The following INTS9 variants were observed in gnomAD, a reference collection of about 807,000 sequenced individuals.
INTS9 encodes integrator complex subunit 9, also known as protein related to CPSF subunits of 74 kDa.
In INTS9, 55 loss-of-function variants were observed where a neutral mutation model predicts 79.7. The observed-to-expected ratio is 0.69, with a 90% CI of 0.56 to 0.86. INTS9 has a LOEUF of 0.86. Ranked by LOEUF, INTS9 falls within the 40% of genes least tolerant of loss-of-function variation. INTS9 has a pLI of 0.00. For missense variants in INTS9, 721 were observed against 831.5 expected (o/e 0.87, Z 1.64); for synonymous variants, 319 against 325.2 (o/e 0.98, Z 0.20).
chr8:28,800,926 G>A (rs1007829938), intron 8 of INTS9, among the ~76,000 whole-genome samples: 7 of 152,176 alleles, frequency 4.6e-5, no homozygotes, highest in South Asian at 2.1e-4. Context: ...GATAGCAAGC[G>A]TGGAAAGAAA....
chr8:28,847,108 T>G (rs1209892686), intron 3 of INTS9, among the ~76,000 whole-genome samples: 1 of 152,130 alleles, frequency 6.6e-6, no homozygotes, highest in Non-Finnish European at 1.5e-5. Context: ...TCCAGTGGTT[T>G]CCAAATAAGG....
chr8:28,863,546 C>T (rs1475681716), intron 1 of INTS9, among the ~76,000 whole-genome samples: 3 of 152,146 alleles, frequency 2.0e-5, no homozygotes, highest in Non-Finnish European at 4.4e-5. Flanking sequence ...GAGGCCAAGG[C>T]GGGAAGATCA....
intron 10 of INTS9, among the ~76,000 whole-genome samples, chr8:28,793,225 A>G (rs1207249067): frequency 1.3e-5 from 2 of 152,182 alleles, no homozygotes; most frequent in African/African-American, 4.8e-5. Context: ...ACCACTGGGG[A>G]TATTGTAAAA....
At chr8:28,828,559 A>G (rs1806282762) in intron 6 of INTS9, among the ~76,000 whole-genome samples, 1 of 152,212 alleles carries the variant, frequency 6.6e-6, no homozygotes, top group African/African-American at 2.4e-5. Flanking sequence ...CAGATCTGAA[A>G]TTCAAATACC....
At chr8:28,886,573 C>T (rs906930815) in intron 1 of INTS9, among the ~76,000 whole-genome samples, 3 of 152,166 alleles carry the variant, frequency 2.0e-5, no homozygotes, top group Non-Finnish European at 4.4e-5. Flanking sequence ...ACCACACTTG[C>T]ATTTAAAGCT....
chr8:28,820,884 T>C (rs190414445), intron 6 of INTS9, among the ~76,000 whole-genome samples: 1 of 151,834 alleles, frequency 6.6e-6, no homozygotes, highest in African/African-American at 2.4e-5. Flanking sequence ...GTAATGCATA[T>C]ATATTCTGAC....
intron 1 of INTS9, among the ~76,000 whole-genome samples, chr8:28,884,969 C>T (rs1015266083): frequency 2.6e-5 from 4 of 152,128 alleles, no homozygotes; most frequent in African/African-American, 9.7e-5. Context: ...GAGGATTAAC[C>T]ACGCCCCTTT....
intron 13 of INTS9, among the ~76,000 whole-genome samples, chr8:28,777,058 T>G (rs1033220302): frequency 2.6e-5 from 4 of 152,260 alleles, no homozygotes; most frequent in Admixed American, 2.6e-4. Context: ...CTTGGGGCCC[T>G]CCTGGGGTTC....
chr8:28,860,427 A>G (rs1408189063), intron 1 of INTS9, among the ~76,000 whole-genome samples: 1 of 152,200 alleles, frequency 6.6e-6, no homozygotes, highest in Admixed American at 6.5e-5. Context: ...CAGAGCCCAG[A>G]AAACAAAGGG....
At chr8:28,884,006 A>G (rs926417759) in intron 1 of INTS9, among the ~76,000 whole-genome samples, 4 of 152,138 alleles carry the variant, frequency 2.6e-5, no homozygotes, top group Non-Finnish European at 5.9e-5. Flanking sequence ...AGAGCAAACC[A>G]GTCACAAAAC....
At chr8:28,780,766 AT>A (rs1184821402) in intron 12 of INTS9, 56 bp downstream of exon 12, 2 of 1,589,234 alleles carry the variant, frequency 1.3e-6, no homozygotes, top group Non-Finnish European at 1.7e-6. Context: ...TTGTAGGTGC[AT>A]TCACTCATGG....
At chr8:28,773,052 AGAAATTCT>A in intron 14 of INTS9, among the ~76,000 whole-genome samples, 1 of 152,260 alleles carries the variant, frequency 6.6e-6, no homozygotes, top group Non-Finnish European at 1.5e-5. Context: ...TCTTTGACCC[AGAAATTCT>A]AACTTCAGAA....
chr8:28,881,312 C>T (rs1809775729), intron 1 of INTS9, among the ~76,000 whole-genome samples: 2 of 144,102 alleles, frequency 1.4e-5, no homozygotes, highest in Admixed American at 6.7e-5. Flanking sequence ...GGGGGATCAG[C>T]CCCCCGCCTG....
intron 14 of INTS9, among the ~76,000 whole-genome samples, chr8:28,771,436 C>T (rs1802533726): frequency 6.6e-6 from 1 of 152,110 alleles, no homozygotes; most frequent in Non-Finnish European, 1.5e-5. Context: ...ACCACCTGCA[C>T]CTGATGGGTG....
At chr8:28,811,271 G>A (rs960883503) in intron 8 of INTS9, among the ~76,000 whole-genome samples, 1 of 151,980 alleles carries the variant, frequency 6.6e-6, no homozygotes, top group East Asian at 1.9e-4. Flanking sequence ...GGGATTATAG[G>A]TGCACACCAT....
At chr8:28,809,945 T>C (rs1381182103) in intron 8 of INTS9, among the ~76,000 whole-genome samples, 1 of 152,222 alleles carries the variant, frequency 6.6e-6, no homozygotes, top group African/African-American at 2.4e-5. Context: ...CACAGCATGG[T>C]TCTCCCTGTA....
intron 8 of INTS9, among the ~76,000 whole-genome samples, chr8:28,809,374 T>C (rs1361535844): frequency 6.6e-6 from 1 of 152,246 alleles, no homozygotes; most frequent in Non-Finnish European, 1.5e-5. Context: ...GGCCACAGTT[T>C]GCTAACATCT....
At chr8:28,831,858 C>T (rs1218226925) in intron 6 of INTS9, among the ~76,000 whole-genome samples, 1 of 152,056 alleles carries the variant, frequency 6.6e-6, no homozygotes, top group African/African-American at 2.4e-5. Flanking sequence ...ACCACTACGC[C>T]TGGCTAATTT....
At chr8:28,807,512 T>C (rs1423923311) in intron 8 of INTS9, among the ~76,000 whole-genome samples, 1 of 152,108 alleles carries the variant, frequency 6.6e-6, no homozygotes, top group African/African-American at 2.4e-5. Flanking sequence ...TCCTGGAGAG[T>C]ATTTTAAAAA....
Sources: allele counts gnomAD v4.1 joint callset (sites outside exome capture counted in the v4.1 genomes callset), GRCh38; gene constraint gnomAD v4.1.1; transcripts MANE v1.5; gene names NCBI Gene and HGNC (gene_info 2026-07-23, HGNC 2026-07-21).